The following DYM variants were observed in gnomAD, a reference collection of about 807,000 sequenced individuals.
DYM encodes the protein dyggve-Melchior-Clausen syndrome protein.
Under a neutral mutation model 93.1 loss-of-function variants are expected in DYM, and 78 were observed. That is an observed-to-expected ratio of 0.84 (90% CI 0.70 to 1.01). The LOEUF (loss-of-function observed/expected upper bound fraction) is 1.01. Among genes scored for constraint, DYM ranks in the 50% least tolerant of loss-of-function variants. The probability of loss-of-function intolerance (pLI) is 0.00; values close to 1 mark genes in which losing one functional copy is unlikely to be tolerated. For missense variants in DYM, 789 were observed against 845.0 expected, an observed-to-expected ratio of 0.93 and a Z score of 0.82; for synonymous variants, 321 against 319.7, an observed-to-expected ratio of 1.00 and a Z score of -0.04.
chr18:49,385,831 C>G lies in DYM; in HGVS notation c.193+5762G>C, dbSNP rs551717165. 2.0e-5 allele frequency among the ~76,000 whole-genome samples: 3 copies of G among 151,644 alleles called. No individual in the cohort carries two copies. In the East Asian group the frequency reaches 5.8e-4, roughly 29 times the overall value. Reference sequence around the variant, plus strand: ...CTGAGGTGGGAGGCATGCTTGGGGTCAGGAGTTCAAGACAAGACTGGATAA... The same window carrying G: ...CTGAGGTGGGAGGCATGCTTGGGGTGAGGAGTTCAAGACAAGACTGGATAA... On this transcript the variant is annotated intron_variant, in intron 3 of 17. Coordinates refer to ENST00000675505, the MANE Select transcript of DYM (RefSeq NM_001353214.3).
intron 17 of DYM, among the ~76,000 whole-genome samples, chr18:49,047,325 T>A (rs1243441435): frequency 1.3e-5 from 2 of 152,214 alleles, no homozygotes; most frequent in Non-Finnish European, 2.9e-5. Context: ...CTCTTTGCCA[T>A]CATCAGCGCA....
intron 15 of DYM, among the ~76,000 whole-genome samples, chr18:49,149,897 C>A (rs978568660): frequency 5.3e-5 from 8 of 151,730 alleles, no homozygotes; most frequent in Non-Finnish European, 1.2e-4. Context: ...TTAGTAGAGA[C>A]GGGGTTTCAC....
chr18:49,231,257 T>G (rs1463859553), intron 13 of DYM, among the ~76,000 whole-genome samples: 1 of 152,192 alleles, frequency 6.6e-6, no homozygotes, highest in Non-Finnish European at 1.5e-5. Context: ...AATGGCAACG[T>G]GTAAACAGAT....
intron 13 of DYM, among the ~76,000 whole-genome samples, chr18:49,214,303 G>T (rs558815734): frequency 6.6e-6 from 1 of 152,260 alleles, no homozygotes; most frequent in Admixed American, 6.5e-5. Context: ...GATCAGTGGT[G>T]GCATTAGATT....
At chr18:49,423,094 C>G (rs780241806) in intron 2 of DYM, among the ~76,000 whole-genome samples, 2 of 152,194 alleles carry the variant, frequency 1.3e-5, no homozygotes, top group South Asian at 4.1e-4. Context: ...AATATACATT[C>G]TTTTCAGCAC....
intron 8 of DYM, among the ~76,000 whole-genome samples, chr18:49,308,667 C>T (rs1019145197): frequency 6.6e-6 from 1 of 152,150 alleles, no homozygotes; most frequent in Non-Finnish European, 1.5e-5. Context: ...CCCAAAACTA[C>T]TTTGCCTGCT....
chr18:49,334,885 C>T (rs1170274740), intron 6 of DYM, among the ~76,000 whole-genome samples: 1 of 152,196 alleles, frequency 6.6e-6, no homozygotes, highest in East Asian at 1.9e-4. Context: ...GCGGGTGGAT[C>T]ACCTGAGGTC....
intron 16 of DYM, among the ~76,000 whole-genome samples, chr18:49,099,463 C>T (rs2079903332): frequency 6.6e-6 from 1 of 151,968 alleles, no homozygotes; most frequent in Non-Finnish European, 1.5e-5. Flanking sequence ...TACACATCTA[C>T]AAGTAAAAAA....
intron 14 of DYM, among the ~76,000 whole-genome samples, chr18:49,176,899 G>A (rs901268465): frequency 6.6e-6 from 1 of 151,878 alleles, no homozygotes; most frequent in Non-Finnish European, 1.5e-5. Flanking sequence ...TTTATAATTA[G>A]TATGCAATTC....
At chr18:49,081,834 A>G (rs1202199847) in intron 17 of DYM, among the ~76,000 whole-genome samples, 1 of 152,060 alleles carries the variant, frequency 6.6e-6, no homozygotes, top group Non-Finnish European at 1.5e-5. Flanking sequence ...CATGTGCCCC[A>G]CCTCTGCTCT....
chr18:49,059,193 G>A (rs577696631), intron 17 of DYM, among the ~76,000 whole-genome samples: 8 of 152,132 alleles, frequency 5.3e-5, no homozygotes, highest in African/African-American at 1.7e-4. Context: ...AGCTAGTCCC[G>A]TCCACCATGT....
Position 49,295,789 on chromosome 18 carries a change from A to C in DYM, c.764-9173T>G, listed in dbSNP as rs796533144. On this transcript the variant is annotated intron_variant, in intron 8 of 17. Coordinates refer to ENST00000675505, the MANE Select transcript of DYM (RefSeq NM_001353214.3). ...AATTCTTGGCTCATCACAATTTTTT[A>C]AGCTTGTTATTTCAAGATAATTGTA... Among the ~76,000 whole-genome samples, 8 of 152,280 alleles carry C rather than the reference A, an allele frequency of 5.3e-5. 1 individual carries two copies. The highest frequency in any genetic ancestry group is 1.9e-4 in the African/African-American group (8 of 41,568).
rs555549096 is a variant in DYM, at chr18:49,073,513, T to C, written c.2025+23889A>G. ...AGAAGTTTGGAAAAGTCTTAAATAATGGCTTCAGGCCCTCAATTAGAAAAA... is the reference window on the plus strand; with the variant it reads ...AGAAGTTTGGAAAAGTCTTAAATAACGGCTTCAGGCCCTCAATTAGAAAAA... On this transcript the variant is annotated intron_variant, in intron 17 of 17. Transcript: ENST00000675505. Among the ~76,000 whole-genome samples, 269 of 152,140 alleles carry C rather than the reference T, an allele frequency of 1.8e-3. 2 individuals are homozygous for C. Among genetic ancestry groups the C allele is most frequent in the African/African-American group, 6.1e-3 (254 of 41,508 alleles).
intron 8 of DYM, among the ~76,000 whole-genome samples, chr18:49,306,646 A>G (rs974672371): frequency 1.3e-5 from 2 of 152,244 alleles, no homozygotes; most frequent in African/African-American, 4.8e-5. Context: ...GCATATATTT[A>G]TAAGATAAAC....
At chr18:49,408,836 C>T (rs77176612) in intron 2 of DYM, among the ~76,000 whole-genome samples, 13,913 of 151,906 alleles carry the variant, frequency 0.092, 861 homozygotes, top group East Asian at 0.31. Flanking sequence ...ACAAGAGGGA[C>T]GGGGCACATA....
At chr18:49,432,165 C>CTA (rs2080380101) in intron 1 of DYM, among the ~76,000 whole-genome samples, 1 of 151,848 alleles carries the variant, frequency 6.6e-6, no homozygotes, top group Non-Finnish European at 1.5e-5. Context: ...CTGAGGCGAT[C>CTA]TACTCAAAAT....
At chr18:49,332,107 TACAAAAG>T in intron 7 of DYM, 101 bp from the exon 8 acceptor site, 1 of 1,226,404 alleles carries the variant, frequency 8.2e-7, no homozygotes, top group Non-Finnish European at 1.2e-6. Flanking sequence ...TATCTGTTAA[TACAAAAG>T]GGCTATTGGC....
chr18:49,231,327 C>G (rs1366317951), intron 13 of DYM, among the ~76,000 whole-genome samples: 2 of 152,160 alleles, frequency 1.3e-5, no homozygotes, highest in African/African-American at 4.8e-5. Flanking sequence ...CAGCTGGTGG[C>G]TGCTCATGTT....
chr18:49,170,391 G>T (rs2088517500), intron 14 of DYM, among the ~76,000 whole-genome samples: 4 of 152,160 alleles, frequency 2.6e-5, no homozygotes, highest in Admixed American at 6.5e-5. Flanking sequence ...CTAATTTGGT[G>T]CTCAGAAGAG....
Sources: gnomAD v4.1 joint callset for allele counts (sites outside exome capture counted in the v4.1 genomes callset) on GRCh38, gnomAD v4.1.1 for gene constraint, MANE v1.5 for transcripts, NCBI Gene and HGNC (gene_info 2026-07-23, HGNC 2026-07-21) for gene names.